The following SARNP variants were observed in gnomAD, a reference collection of about 807,000 sequenced individuals.
SARNP encodes the protein SAP domain-containing ribonucleoprotein.
Under a neutral mutation model 38.1 loss-of-function variants are expected in SARNP, and 5 were observed. That is an observed-to-expected ratio of 0.13 (90% confidence interval 0.07 to 0.28). The LOEUF (loss-of-function observed/expected upper bound fraction) is 0.28, where lower values mean the gene tolerates loss of function less well. Among genes scored for constraint, SARNP ranks in the 10% least tolerant of loss-of-function variants. The probability of loss-of-function intolerance (pLI) is 1.00; values close to 1 mark genes in which losing one functional copy is unlikely to be tolerated. For missense variants in SARNP, 180 were observed against 243.9 expected (o/e 0.74, Z 1.75); for synonymous variants, 84 against 80.6 (o/e 1.04, Z -0.23).
At chr12:55,769,318 A>G (rs926807202) in intron 9 of SARNP, among the ~76,000 whole-genome samples, 15 of 152,226 alleles carry the variant, frequency 9.9e-5, no homozygotes, top group Admixed American at 5.9e-4. Flanking sequence ...TGGGTCAGGT[A>G]CTGGGAATAC....
At chr12:55,815,701 C>A (rs558306669) in intron 1 of SARNP, among the ~76,000 whole-genome samples, 18 of 152,098 alleles carry the variant, frequency 1.2e-4, no homozygotes, top group Non-Finnish European at 2.2e-4. Flanking sequence ...TGGCCTCAAG[C>A]AATCCGCCCG....
At chr12:55,769,023 T>C (rs905012500) in intron 9 of SARNP, among the ~76,000 whole-genome samples, 3 of 152,218 alleles carry the variant, frequency 2.0e-5, no homozygotes, top group Non-Finnish European at 2.9e-5. Context: ...GGCCAAACTA[T>C]CTTCTCTTTC....
rs1404920203 is a variant in SARNP, at chr12:55,808,297, AAC to A, written c.37-4571_37-4570del. On this transcript the variant is annotated intron_variant, in intron 1 of 10. Coordinates refer to ENST00000336133, the MANE Select transcript of SARNP (RefSeq NM_033082.4). The stretch of plus-strand genomic sequence containing the variant: ...CCCGGAGTTCAAGAACAGCCTGGGC[AAC>A]AGAGTGAGACCCTGTTCCTACAATT... 7.9e-5 allele frequency among the ~76,000 whole-genome samples: 12 copies of A among 152,016 alleles called. 1 individual carries two copies. The South Asian group carries it at 2.3e-3, about 29-fold the overall frequency.
intron 9 of SARNP, among the ~76,000 whole-genome samples, chr12:55,777,297 C>A (rs1879208651): frequency 6.6e-6 from 1 of 152,082 alleles, no homozygotes; most frequent in African/African-American, 2.4e-5. Flanking sequence ...AAATATAGGG[C>A]AAGGCACCAG....
chr12:55,784,497 T>TA (rs556563873), intron 9 of SARNP, among the ~76,000 whole-genome samples: 120 of 152,344 alleles, frequency 7.9e-4, no homozygotes, highest in Middle Eastern at 3.4e-3. Flanking sequence ...AAAGAATCCT[T>TA]ACTTTTCTTA....
intron 9 of SARNP, among the ~76,000 whole-genome samples, chr12:55,782,118 C>CA (rs1454713614): frequency 6.6e-6 from 1 of 152,144 alleles, no homozygotes; most frequent in African/African-American, 2.4e-5. Context: ...GGACTTAAGA[C>CA]AACTCTTTAG....
chr12:55,814,123 G>A (rs1219044110), intron 1 of SARNP, among the ~76,000 whole-genome samples: 1 of 152,162 alleles, frequency 6.6e-6, no homozygotes, highest in Admixed American at 6.5e-5. Flanking sequence ...ATGCTGGAGA[G>A]ACGGGCAGGG....
intron 5 of SARNP, among the ~76,000 whole-genome samples, 189 bp from the exon 6 acceptor site, chr12:55,795,069 C>T (rs901640853): frequency 4.6e-5 from 7 of 151,566 alleles, no homozygotes; most frequent in Admixed American, 3.3e-4. Context: ...GAGCGATTCT[C>T]GTGGCTCAGC....
At chr12:55,813,433 G>A (rs957539189) in intron 1 of SARNP, among the ~76,000 whole-genome samples, 4 of 151,924 alleles carry the variant, frequency 2.6e-5, no homozygotes, top group African/African-American at 7.3e-5. Flanking sequence ...TACTACAGCC[G>A]AAAGAAAACT....
At chr12:55,804,449 A>C (rs1433937256) in intron 1 of SARNP, among the ~76,000 whole-genome samples, 1 of 152,114 alleles carries the variant, frequency 6.6e-6, no homozygotes, top group Non-Finnish European at 1.5e-5. Context: ...CAGGACTAAT[A>C]ATAAGCCAAA....
chr12:55,781,355 G>A (rs901651791), intron 9 of SARNP, among the ~76,000 whole-genome samples: 6 of 151,750 alleles, frequency 4.0e-5, no homozygotes, highest in East Asian at 1.9e-4. Flanking sequence ...TCAACATGGC[G>A]AAACCCCATC....
intron 9 of SARNP, among the ~76,000 whole-genome samples, chr12:55,787,951 G>A (rs369229512): frequency 9.2e-5 from 14 of 151,662 alleles, no homozygotes; most frequent in African/African-American, 3.4e-4. Context: ...GGGTTTCACC[G>A]TGTTAGCCAG....
At position 55,795,975 on chromosome 12, in the gene SARNP, G is replaced by C. The variant is rs748986873; in HGVS notation, c.303+50C>G. 21 of 1,257,488 alleles carry C rather than the reference G, an allele frequency of 1.7e-5. No homozygotes were observed. In the South Asian group the frequency reaches 2.6e-4, roughly 16 times the overall value. The allele number at this position is 1,257,488 out of a possible 1,614,324, so 77.9% of individuals were successfully genotyped here. On this transcript the variant is annotated intron_variant, in intron 5 of 10. Coordinates refer to ENST00000336133, the MANE Select transcript of SARNP (RefSeq NM_033082.4). ...ATGATGCAGATATAATAAAGGGTAA[G>C]AGGGAGAGAGAAATGTAGAGACTGT...
chr12:55,796,712 C>A (rs1412699038), intron 4 of SARNP, among the ~76,000 whole-genome samples: 1 of 152,114 alleles, frequency 6.6e-6, no homozygotes, highest in African/African-American at 2.4e-5. Context: ...CTTTAATTTA[C>A]TTTTGAACTA....
intron 2 of SARNP, among the ~76,000 whole-genome samples, chr12:55,802,019 A>G (rs1879993438): frequency 6.6e-6 from 1 of 152,248 alleles, no homozygotes; most frequent in African/African-American, 2.4e-5. Flanking sequence ...CAACAGAAAA[A>G]TGGGCAAAGA....
At chr12:55,788,978 G>T in intron 9 of SARNP, 97 bp downstream of exon 9, 1 of 779,412 alleles carries the variant, frequency 1.3e-6, no homozygotes, top group Non-Finnish European at 2.2e-6. Context: ...ATGCTTTGTA[G>T]CCAGCTACAT....
chr12:55,796,314 G>A (rs1879818961), intron 4 of SARNP, among the ~76,000 whole-genome samples: 1 of 152,164 alleles, frequency 6.6e-6, no homozygotes, highest in South Asian at 2.1e-4. Context: ...AAAGAAATAA[G>A]GAAAGAAGTC....
At chr12:55,800,359 T>A (rs1024545163) in intron 4 of SARNP, among the ~76,000 whole-genome samples, 3 of 152,222 alleles carry the variant, frequency 2.0e-5, no homozygotes, top group Non-Finnish European at 4.4e-5. Flanking sequence ...CCTCATTACC[T>A]ATTACATAAC....
intron 9 of SARNP, among the ~76,000 whole-genome samples, chr12:55,777,238 G>T (rs1171010769): frequency 6.6e-6 from 1 of 152,086 alleles, no homozygotes; most frequent in East Asian, 1.9e-4. Flanking sequence ...TGCACCTTTA[G>T]GGAAGTCTAA....
Sources: gnomAD v4.1 joint callset for allele counts (sites outside exome capture counted in the v4.1 genomes callset) on GRCh38, gnomAD v4.1.1 for gene constraint, MANE v1.5 for transcripts, NCBI Gene and HGNC (gene_info 2026-07-23, HGNC 2026-07-21) for gene names.